The following PTPRQ variants were observed in gnomAD, a reference collection of about 807,000 sequenced individuals.
The protein encoded by PTPRQ is phosphatidylinositol phosphatase PTPRQ.
In PTPRQ, 199 loss-of-function variants were observed where a neutral mutation model predicts 246.0. The ratio of observed to expected loss-of-function variants is 0.81; its 90% CI spans 0.72 to 0.91. The LOEUF (loss-of-function observed/expected upper bound fraction) is 0.91. Among genes scored for constraint, PTPRQ ranks in the 40% least tolerant of loss-of-function variants. The probability of loss-of-function intolerance (pLI) is 0.00; values close to 1 mark genes in which losing one functional copy is unlikely to be tolerated. For synonymous variants in PTPRQ, 869 were observed against 853.2 expected (o/e 1.02, Z -0.32); for missense variants, 2,624 against 2,528.4 (o/e 1.04, Z -0.81).
intron 26 of PTPRQ, among the ~76,000 whole-genome samples, chr12:80,599,319 G>A (rs1651863060): frequency 6.6e-6 from 1 of 151,892 alleles, no homozygotes; most frequent in African/African-American, 2.4e-5. Context: ...CATTCCTACT[G>A]AGTAAATTGC....
At chr12:80,552,973 A>G (rs1030309660) in intron 25 of PTPRQ, among the ~76,000 whole-genome samples, 3 of 151,898 alleles carry the variant, frequency 2.0e-5, no homozygotes, top group African/African-American at 7.3e-5. Flanking sequence ...TGAATTTGGG[A>G]ACCACTCATT....
intron 39 of PTPRQ, among the ~76,000 whole-genome samples, chr12:80,663,816 C>T (rs1900704419): frequency 6.6e-6 from 1 of 151,822 alleles, no homozygotes; most frequent in South Asian, 2.1e-4. Flanking sequence ...ATCTTGATTG[C>T]AGATGTCTCA....
intron 15 of PTPRQ, 94 bp downstream of exon 15, chr12:80,506,300 A>G (rs1339456038): frequency 3.1e-6 from 4 of 1,294,504 alleles, no homozygotes; most frequent in Non-Finnish European, 3.1e-6. Context: ...GATTATTTTC[A>G]TGCAGGGTAT....
chr12:80,504,725 T>A (rs1057418134), intron 14 of PTPRQ, among the ~76,000 whole-genome samples: 1 of 151,940 alleles, frequency 6.6e-6, no homozygotes, highest in Non-Finnish European at 1.5e-5. Context: ...TATTTTAAAT[T>A]CTGAAGTGGA....
At chr12:80,622,159 A>G (rs1899019000) in intron 33 of PTPRQ, 25 bp downstream of exon 33, 1 of 1,367,374 alleles carries the variant, frequency 7.3e-7, no homozygotes, top group South Asian at 1.7e-5. Flanking sequence ...TAATTCATTT[A>G]TAATCTCAAC....
chr12:80,630,641 A>G (rs1008916252), intron 33 of PTPRQ, among the ~76,000 whole-genome samples: 1 of 152,262 alleles, frequency 6.6e-6, no homozygotes, highest in South Asian at 2.1e-4. Context: ...TTCCCCATTA[A>G]CTTTCCTCCT....
intron 24 of PTPRQ, among the ~76,000 whole-genome samples, chr12:80,547,802 T>G (rs1055666717): frequency 6.6e-6 from 1 of 152,146 alleles, no homozygotes; most frequent in Non-Finnish European, 1.5e-5. Flanking sequence ...TAGAGTGTTG[T>G]ACACACAGTA....
At chr12:80,642,922 A>C (rs1229417975) in intron 35 of PTPRQ, among the ~76,000 whole-genome samples, 1 of 135,824 alleles carries the variant, frequency 7.4e-6, no homozygotes, top group African/African-American at 3.2e-5. Flanking sequence ...TCCGTCTTAA[A>C]AAAAAAAAAA....
At chr12:80,573,502 A>AG (rs1248688914) in intron 25 of PTPRQ, among the ~76,000 whole-genome samples, 2 of 151,966 alleles carry the variant, frequency 1.3e-5, no homozygotes, top group Non-Finnish European at 2.9e-5. Context: ...AAAAAAAAAA[A>AG]TTATTTTAAG....
At chr12:80,449,678 A>G (rs1439530680) in intron 3 of PTPRQ, among the ~76,000 whole-genome samples, 2 of 151,990 alleles carry the variant, frequency 1.3e-5, no homozygotes, top group African/African-American at 2.4e-5. Flanking sequence ...CAAAGATCAG[A>G]TAGTTGTAGA....
intron 28 of PTPRQ, among the ~76,000 whole-genome samples, 169 bp downstream of exon 28, chr12:80,610,794 A>G (rs1300654541): frequency 6.6e-6 from 1 of 150,436 alleles, no homozygotes; most frequent in Non-Finnish European, 1.5e-5. Flanking sequence ...ATTTCTATTT[A>G]TATTTTTGAG....
chr12:80,510,214 C>T, intron 16 of PTPRQ, 109 bp from the exon 17 acceptor site: 1 of 1,158,744 alleles, frequency 8.6e-7, no homozygotes, highest in African/African-American at 1.6e-5. Context: ...AAGCACTGAA[C>T]CTAATTCCTT....
chr12:80,605,139 G>A lies in PTPRQ; in HGVS notation c.4690G>A (p.Val1564Ile). ...SISISWSEPA[V>I]ITGPTCYLID... ...CAGCATAAGCTGGAGTGAACCTGCTGTCATTACTGGACCAACATGTTATCT... is the reference window on the plus strand; with the variant it reads ...CAGCATAAGCTGGAGTGAACCTGCTATCATTACTGGACCAACATGTTATCT... Residue 1564 changes from valine to isoleucine, a missense_variant, in exon 27 of 45, where the codon GTC (valine) becomes ATC (isoleucine). Transcript: ENST00000644991. The A allele has an allele frequency of 5.2e-6, 8 of 1,545,630 alleles. No homozygotes were observed. The highest frequency in any genetic ancestry group is 7.0e-6 in the Non-Finnish European group (8 of 1,143,292).
chr12:80,484,848 G>A (rs1000972059), intron 9 of PTPRQ, among the ~76,000 whole-genome samples: 37 of 152,052 alleles, frequency 2.4e-4, no homozygotes, highest in African/African-American at 8.7e-4. Context: ...AATTAAACAG[G>A]ACTAAAGGTA....
chr12:80,471,912 T>C (rs1476098994), intron 7 of PTPRQ, among the ~76,000 whole-genome samples, 193 bp from the exon 8 acceptor site: 2 of 152,188 alleles, frequency 1.3e-5, no homozygotes, highest in Admixed American at 1.3e-4. Flanking sequence ...TGTTCTTTCA[T>C]TTATTTTCAT....
At chr12:80,471,723 C>T (rs1275583385) in intron 7 of PTPRQ, among the ~76,000 whole-genome samples, 3 of 150,976 alleles carry the variant, frequency 2.0e-5, no homozygotes, top group East Asian at 3.9e-4. Flanking sequence ...GTGATCCGCC[C>T]GCCTCGGCCT....
chr12:80,652,756 T>C lies in PTPRQ; in HGVS notation c.6037T>C (p.Phe2013Leu), dbSNP rs1047811631. Reference protein sequence around the residue: ...FQEEFSELPKFLQDLSSTDAD... With the variant: ...FQEEFSELPKLLQDLSSTDAD... ...CTTTATTTTACAGGAATTACCAAAA[T>C]TTCTTCAGGATCTTTCTTCAACTGA... Residue 2013 changes from phenylalanine to leucine, a missense_variant, in exon 38 of 45, where the codon TTT (phenylalanine) becomes CTT (leucine). Physicochemically the swap from Phe to Leu is conservative, Grantham distance 22. Coordinates refer to ENST00000644991, the MANE Select transcript of PTPRQ (RefSeq NM_001145026.2). 2.9e-5 allele frequency: 44 copies of C among 1,496,530 alleles called. No individual in the cohort carries two copies. The highest frequency in any genetic ancestry group is 3.9e-5 in the Non-Finnish European group (44 of 1,126,292). 92.7% of individuals were successfully genotyped at this position (1,496,530 alleles called of 1,614,324 possible).
Position 80,445,620 on chromosome 12 carries a change from C to G in PTPRQ, c.293C>G (p.Pro98Arg). 1 of 1,549,788 alleles carries G rather than the reference C, an allele frequency of 6.5e-7. No homozygotes were observed. ...ATTGTCAAATATAAGGAAGTTTGTCCGTGGATGCAAACAGTATATACACAA... is the reference window on the plus strand; with the variant it reads ...ATTGTCAAATATAAGGAAGTTTGTCGGTGGATGCAAACAGTATATACACAA... Reference protein sequence around the residue: ...SYIVKYKEVCPWMQTVYTQVR... With the variant: ...SYIVKYKEVCRWMQTVYTQVR... The change falls in exon 3 of 45, where the codon CCG becomes CGG. Residue 98 changes from proline to arginine, a missense_variant. By Grantham distance (103) the Pro-to-Arg change is moderately radical. Coordinates refer to ENST00000644991, the MANE Select transcript of PTPRQ (RefSeq NM_001145026.2).
Position 80,546,638 on chromosome 12 carries a change from C to A in PTPRQ, c.3956C>A (p.Thr1319Asn), listed in dbSNP as rs1230827201. ...STYSIRVSAF[T>N]KVGNGNQFSN... ...TACTCTATCCGTGTATCTGCGTTCA[C>A]CAAAGTTGGAAATGGCAATCAATTT... The change falls in exon 24 of 45, where the codon ACC becomes AAC. Residue 1319 changes from threonine to asparagine, a missense_variant. Physicochemically the swap from Thr to Asn is moderately conservative, Grantham distance 65. Coordinates refer to ENST00000644991, the MANE Select transcript of PTPRQ (RefSeq NM_001145026.2). The A allele has an allele frequency of 1.3e-6, 2 of 1,551,274 alleles. No individual in the cohort carries two copies. Among genetic ancestry groups the A allele is most frequent in the East Asian group, 4.9e-5 (2 of 40,890 alleles).
Sources: gnomAD v4.1 joint callset for allele counts (sites outside exome capture counted in the v4.1 genomes callset) on GRCh38, gnomAD v4.1.1 for gene constraint, MANE v1.5 for transcripts, NCBI Gene and HGNC (gene_info 2026-07-23, HGNC 2026-07-21) for gene names.